GRIK3: variants seen among roughly 807,000 people sequenced by gnomAD.
GRIK3 encodes glutamate receptor ionotropic, kainate 3.
A neutral mutation model predicts 102.5 loss-of-function variants in GRIK3; 29 were observed. The observed-to-expected ratio is 0.28, with a 90% CI of 0.21 to 0.39. The LOEUF is 0.39. Among genes scored for constraint, GRIK3 ranks in the 10% least tolerant of loss-of-function variants. GRIK3 has a pLI of 1.00. For missense variants in GRIK3, 908 were observed against 1,252.4 expected, an observed-to-expected ratio of 0.73 and a Z score of 4.15; for synonymous variants, 511 against 504.9, an observed-to-expected ratio of 1.01 and a Z score of -0.16.
At chr1:36,887,307 ATT>A (rs1641048573) in intron 2 of GRIK3, among the ~76,000 whole-genome samples, 1 of 152,240 alleles carries the variant, frequency 6.6e-6, no homozygotes, top group Admixed American at 6.5e-5. Flanking sequence ...CACAAAATAC[ATT>A]AACCATAATG....
At chr1:36,963,518 C>G (rs1228192530) in intron 1 of GRIK3, among the ~76,000 whole-genome samples, 2 of 152,186 alleles carry the variant, frequency 1.3e-5, no homozygotes, top group East Asian at 1.9e-4. Context: ...TGAGTCCTCA[C>G]AACCACTCTG....
chr1:37,020,980 G>A (rs1255538764), intron 1 of GRIK3, among the ~76,000 whole-genome samples: 4 of 152,124 alleles, frequency 2.6e-5, no homozygotes, highest in Non-Finnish European at 5.9e-5. Flanking sequence ...AATACAATTT[G>A]TATTTCTCTC....
chr1:36,990,044 G>A (rs1004615754), intron 1 of GRIK3, among the ~76,000 whole-genome samples: 2 of 152,136 alleles, frequency 1.3e-5, no homozygotes, highest in South Asian at 2.1e-4. Flanking sequence ...CAAGTGGGGC[G>A]GTGTAGCTTC....
At chr1:36,897,714 A>T (rs1641188311) in intron 1 of GRIK3, among the ~76,000 whole-genome samples, 1 of 152,176 alleles carries the variant, frequency 6.6e-6, no homozygotes, top group South Asian at 2.1e-4. Flanking sequence ...TAGGACAACC[A>T]CCTTGGAGAA....
In GRIK3 at chr1:36,859,857, T is replaced by A. The variant is rs777802090; in HGVS notation, c.947A>T (p.Asp316Val). ...CAGCCGCCTTACCATCATCACTCCATCCAGCAGGCCAGACTCGGACCGGGG... is the reference window on the plus strand; with the variant it reads ...CAGCCGCCTTACCATCATCACTCCAACCAGCAGGCCAGACTCGGACCGGGG... ...AAPRSESGLL[D>V]GVMMTDAALL... Residue 316 changes from aspartate (D) to valine (V), a missense_variant, in exon 6 of 16, where the codon GAT (aspartate) becomes GTT (valine). Coordinates refer to ENST00000373091, the MANE Select transcript of GRIK3 (RefSeq NM_000831.4). The A allele has an allele frequency of 6.2e-7, 1 of 1,613,758 alleles. No homozygotes were observed. The highest frequency in any genetic ancestry group is 1.3e-5 in the African/African-American group (1 of 75,028).
intron 2 of GRIK3, among the ~76,000 whole-genome samples, chr1:36,889,071 C>T (rs374281996): frequency 1.3e-4 from 20 of 152,078 alleles, no homozygotes; most frequent in African/African-American, 3.9e-4. Context: ...TAAAAAGACA[C>T]GGGGGCTTGC....
At position 36,908,778 on chromosome 1, in the gene GRIK3, G is replaced by GGTGTGTGTGT. The variant is rs56228690; in HGVS notation, c.116-17692_116-17683dup. On this transcript the variant is annotated intron_variant, in intron 1 of 15. Coordinates refer to ENST00000373091, the MANE Select transcript of GRIK3 (RefSeq NM_000831.4). The stretch of plus-strand genomic sequence containing the variant: ...CTGAGGCGGCTAAGAAATGGGATAG[G>GGTGTGTGTGT]GTGTGTGTGTGTGTGTGTGTGTGTG... Among the ~76,000 whole-genome samples, 289 of 147,100 alleles carry GGTGTGTGTGT rather than the reference G, an allele frequency of 2.0e-3. 2 individuals are homozygous for GGTGTGTGTGT. Among genetic ancestry groups the GGTGTGTGTGT allele is most frequent in the South Asian group, 0.016 (73 of 4,598 alleles).
At chr1:36,815,795 T>G (rs375857844) in intron 13 of GRIK3, among the ~76,000 whole-genome samples, 5 of 151,744 alleles carry the variant, frequency 3.3e-5, no homozygotes, top group African/African-American at 9.7e-5. Flanking sequence ...AGTCTCACTC[T>G]GTCACCCAGG....
chr1:36,943,232 G>T (rs1464076642), intron 1 of GRIK3, among the ~76,000 whole-genome samples: 1 of 144,590 alleles, frequency 6.9e-6, no homozygotes, highest in East Asian at 2.0e-4. Context: ...GTTGGGGGTT[G>T]GGGGGGCTGG....
intron 1 of GRIK3, among the ~76,000 whole-genome samples, chr1:36,957,480 G>C (rs78279004): frequency 1.7e-5 from 1 of 60,046 alleles, no homozygotes. Flanking sequence ...CTGTGAGTCT[G>C]TGCCCCGTGA....
At chr1:37,032,392 C>T (rs1226403287) in intron 1 of GRIK3, among the ~76,000 whole-genome samples, 3 of 152,056 alleles carry the variant, frequency 2.0e-5, no homozygotes, top group Admixed American at 6.5e-5. Flanking sequence ...CCTCTCAGTC[C>T]CCCCACCTTT....
At chr1:36,938,194 G>A (rs943976985) in intron 1 of GRIK3, among the ~76,000 whole-genome samples, 1 of 152,202 alleles carries the variant, frequency 6.6e-6, no homozygotes, top group Non-Finnish European at 1.5e-5. Context: ...AGGAAGTGGT[G>A]GATGGCCTCC....
intron 13 of GRIK3, among the ~76,000 whole-genome samples, chr1:36,811,301 C>A (rs184094040): frequency 6.6e-6 from 1 of 152,118 alleles, no homozygotes; most frequent in African/African-American, 2.4e-5. Flanking sequence ...GGTAAAAACT[C>A]AAATGCTGAC....
At chr1:36,951,470 C>T (rs1308552935) in intron 1 of GRIK3, among the ~76,000 whole-genome samples, 1 of 152,230 alleles carries the variant, frequency 6.6e-6, no homozygotes. Context: ...GGCCACGTGA[C>T]TGCTGGGGGA....
intron 2 of GRIK3, 110 bp from the exon 3 acceptor site, chr1:36,881,001 C>T (rs368282233): frequency 1.5e-5 from 18 of 1,186,226 alleles, no homozygotes; most frequent in East Asian, 5.2e-5. Flanking sequence ...CTGGAACCCT[C>T]GGTGGGTGCA....
chr1:36,904,517 T>G lies in GRIK3; in HGVS notation c.116-13421A>C, dbSNP rs191603201. Among the ~76,000 whole-genome samples the G allele has an allele frequency of 2.6e-5, 4 of 152,368 alleles. No homozygotes were observed. In the East Asian group the frequency reaches 7.7e-4, roughly 29 times the overall value. On this transcript the variant is annotated intron_variant, in intron 1 of 15. Transcript: ENST00000373091. ...ATACCATATGACCCAGTAATTCCAT[T>G]TCTAGGAATATAAATTTAGAGAAAG... is the stretch of plus-strand genomic sequence containing the variant.
chr1:36,971,347 G>A (rs949054401), intron 1 of GRIK3, among the ~76,000 whole-genome samples: 10 of 152,164 alleles, frequency 6.6e-5, no homozygotes, highest in East Asian at 1.9e-4. Flanking sequence ...TGCCTTTGCC[G>A]TAGAATTGAA....
At chr1:36,874,180 C>T (rs1287777354) in intron 3 of GRIK3, among the ~76,000 whole-genome samples, 1 of 152,220 alleles carries the variant, frequency 6.6e-6, no homozygotes, top group African/African-American at 2.4e-5. Context: ...AGCCTTCCGG[C>T]AGAGAATCCC....
At chr1:36,922,433 C>T (rs889012660) in intron 1 of GRIK3, among the ~76,000 whole-genome samples, 3 of 152,176 alleles carry the variant, frequency 2.0e-5, no homozygotes, top group African/African-American at 7.2e-5. Flanking sequence ...GGGGAACCCC[C>T]TCCCTGAACT....
Sources: allele counts gnomAD v4.1 joint callset (sites outside exome capture counted in the v4.1 genomes callset), GRCh38; gene constraint gnomAD v4.1.1; transcripts MANE v1.5; gene names NCBI Gene and HGNC (gene_info 2026-07-23, HGNC 2026-07-21).